KAZN: variants seen among roughly 807,000 people sequenced by gnomAD.
KAZN encodes kazrin, periplakin interacting protein, also known as kazrin.
A neutral mutation model predicts 87.4 loss-of-function variants in KAZN; 40 were observed. That is an observed-to-expected ratio of 0.46 (90% CI 0.36 to 0.60). The LOEUF is 0.60. KAZN is among the 20% of genes least tolerant of loss of function. The pLI, the probability that KAZN is intolerant of heterozygous loss-of-function variation, is 0.00. For missense variants in KAZN, 898 were observed against 1,073.9 expected, an observed-to-expected ratio of 0.84 and a Z score of 2.29; for synonymous variants, 466 against 458.3, an observed-to-expected ratio of 1.02 and a Z score of -0.22.
At chr1:14,215,467 A>C (rs186794284) in intron 2 of KAZN, among the ~76,000 whole-genome samples, 10 of 152,314 alleles carry the variant, frequency 6.6e-5, no homozygotes, top group Admixed American at 6.5e-4. Flanking sequence ...CATTTATCCT[A>C]ACAACTGGGG....
At chr1:14,022,521 A>T (rs1640889173) in intron 1 of KAZN, among the ~76,000 whole-genome samples, 1 of 148,500 alleles carries the variant, frequency 6.7e-6, no homozygotes, top group South Asian at 2.1e-4. Flanking sequence ...AAAAGAAAAA[A>T]AGAAAAAAGA....
At chr1:14,296,945 G>A (rs1016750773) in intron 2 of KAZN, among the ~76,000 whole-genome samples, 3 of 152,010 alleles carry the variant, frequency 2.0e-5, no homozygotes, top group South Asian at 2.1e-4. Context: ...TCATGTTATC[G>A]TTATGCACAA....
intron 1 of KAZN, among the ~76,000 whole-genome samples, chr1:14,868,894 G>A (rs527530281): frequency 5.5e-4 from 83 of 152,184 alleles, no homozygotes; most frequent in African/African-American, 1.9e-3. Flanking sequence ...CCGAAATGGG[G>A]CCAAGATAAG....
intron 1 of KAZN, among the ~76,000 whole-genome samples, chr1:14,048,732 C>A (rs1339693310): frequency 6.6e-6 from 1 of 152,182 alleles, no homozygotes; most frequent in Non-Finnish European, 1.5e-5. Flanking sequence ...CACATTGTCT[C>A]CCACTTCCTG....
rs559591566 is a variant in KAZN, at chr1:14,659,835, C to A, written c.226+60612C>A. ...GGAAATCATTTCAAAATGGAAAAAA[C>A]CCTGAATGCCAGCCCCCAGCAATCT... On this transcript the variant is annotated intron_variant, in intron 1 of 14. Coordinates refer to ENST00000376030, the MANE Select transcript of KAZN (RefSeq NM_201628.3). Among the ~76,000 whole-genome samples, 97 of 151,480 alleles carry A rather than the reference C, an allele frequency of 6.4e-4. 1 individual carries two copies. The highest frequency in any genetic ancestry group is 2.3e-3 in the African/African-American group (95 of 41,280).
intron 1 of KAZN, among the ~76,000 whole-genome samples, chr1:13,903,135 GAAAATAT>G (rs1329461201): frequency 6.6e-6 from 1 of 152,212 alleles, no homozygotes; most frequent in Non-Finnish European, 1.5e-5. Context: ...AAAATGCTTT[GAAAATAT>G]AAAATTATAT....
At chr1:14,373,374 G>A (rs966930585) in intron 2 of KAZN, among the ~76,000 whole-genome samples, 15 of 152,100 alleles carry the variant, frequency 9.9e-5, no homozygotes, top group Non-Finnish European at 4.4e-5. Context: ...GAGTCCTGAT[G>A]GTGTAAGTCC....
chr1:14,032,920 G>A (rs1179558660), intron 1 of KAZN, among the ~76,000 whole-genome samples: 5 of 152,262 alleles, frequency 3.3e-5, no homozygotes, highest in African/African-American at 9.6e-5. Flanking sequence ...TGATGGCAGT[G>A]TGAGTCCAGG....
chr1:14,104,875 A>G (rs966732997), intron 1 of KAZN, among the ~76,000 whole-genome samples: 1 of 152,140 alleles, frequency 6.6e-6, no homozygotes, highest in African/African-American at 2.4e-5. Context: ...TTTTGCCTTC[A>G]TTCCTGAAGC....
Position 13,906,411 on chromosome 1 carries a change from T to C in KAZN, c.91+12655T>C, listed in dbSNP as rs191196191. 2.6e-3 allele frequency among the ~76,000 whole-genome samples: 391 copies of C among 152,146 alleles called. 2 individuals are homozygous for C. Among genetic ancestry groups the C allele is most frequent in the African/African-American group, 8.7e-3 (361 of 41,494 alleles). On this transcript the variant is annotated intron_variant, in intron 1 of 16. Transcript: ENST00000636203. ...GCTTCGTTTTCGGAGAGGCAGGAGT[T>C]GGAGATGTTGAGGCGTAGGTGCTTA...
In KAZN at chr1:14,733,480, C is replaced by T. The variant is rs1404082927; in HGVS notation, c.226+134257C>T. On this transcript the variant is annotated intron_variant, in intron 1 of 14. Transcript: ENST00000376030. The stretch of plus-strand genomic sequence containing the variant: ...GCAATAGTTGAATTAATGACCGTGG[C>T]AGTGCAGCCTCGTGCCGTAGGGTGG... Among the ~76,000 whole-genome samples, 3 of 152,300 alleles carry T rather than the reference C, an allele frequency of 2.0e-5. No individual in the cohort carries two copies. In the East Asian group the frequency reaches 5.8e-4, roughly 29 times the overall value.
intron 8 of KAZN, among the ~76,000 whole-genome samples, chr1:15,076,881 C>T (rs1426756444): frequency 1.3e-5 from 2 of 152,232 alleles, no homozygotes; most frequent in Admixed American, 1.3e-4. Flanking sequence ...GACAAGGACC[C>T]ACCTTGTGGG....
chr1:15,037,222 C>A (rs1489275402), intron 3 of KAZN, among the ~76,000 whole-genome samples: 2 of 152,232 alleles, frequency 1.3e-5, no homozygotes, highest in Non-Finnish European at 2.9e-5. Context: ...AACCTGGTTA[C>A]CTCTTTTTTA....
intron 1 of KAZN, among the ~76,000 whole-genome samples, chr1:14,801,716 C>G (rs904619407): frequency 2.0e-5 from 3 of 150,726 alleles, no homozygotes; most frequent in Admixed American, 1.3e-4. Flanking sequence ...TGGAGTCTCG[C>G]TTTGTTGCCC....
chr1:14,367,438 G>T (rs1660101534), intron 2 of KAZN, among the ~76,000 whole-genome samples: 1 of 152,082 alleles, frequency 6.6e-6, no homozygotes, highest in East Asian at 1.9e-4. Flanking sequence ...CTCTGATGGA[G>T]CCTGGGGTTT....
At chr1:14,218,451 G>C (rs1571047233) in intron 2 of KAZN, among the ~76,000 whole-genome samples, 1 of 152,110 alleles carries the variant, frequency 6.6e-6, no homozygotes, top group Non-Finnish European at 1.5e-5. Flanking sequence ...GAGGATTCTA[G>C]GTCTGGGCAG....
chr1:14,565,978 AATGTTG>A (rs1674526076), intron 2 of KAZN, among the ~76,000 whole-genome samples: 1 of 152,144 alleles, frequency 6.6e-6, no homozygotes, highest in African/African-American at 2.4e-5. Context: ...AACTCCTTTT[AATGTTG>A]ATGTTTTGAC....
At chr1:14,937,463 G>A (rs754659082) in intron 1 of KAZN, among the ~76,000 whole-genome samples, 8 of 152,142 alleles carry the variant, frequency 5.3e-5, no homozygotes, top group African/African-American at 9.7e-5. Flanking sequence ...TCTCCTGGCC[G>A]TAATAATCAC....
intron 1 of KAZN, among the ~76,000 whole-genome samples, chr1:13,987,680 A>AAGAG (rs70987710): frequency 0.15 from 23,002 of 151,220 alleles, 1,830 homozygotes; most frequent in South Asian, 0.2. Flanking sequence ...GAGGGAGAGA[A>AAGAG]AGAGAGAGAG....
Sources: allele counts gnomAD v4.1 joint callset (sites outside exome capture counted in the v4.1 genomes callset), GRCh38; gene constraint gnomAD v4.1.1; transcripts MANE v1.5; gene names NCBI Gene and HGNC (gene_info 2026-07-23, HGNC 2026-07-21).